Variants in SUMF1 observed in about 807,000 individuals in gnomAD.
SUMF1 encodes formylglycine-generating enzyme.
In SUMF1, 48 loss-of-function variants were observed where a neutral mutation model predicts 47.6. The observed-to-expected ratio is 1.01, with a 90% CI of 0.80 to 1.28. The LOEUF (loss-of-function observed/expected upper bound fraction) is 1.28. Among genes scored for constraint, SUMF1 ranks in the 50% most tolerant of loss-of-function variants. The probability of loss-of-function intolerance (pLI) is 0.00; values close to 1 mark genes in which losing one functional copy is unlikely to be tolerated. For missense variants in SUMF1, 571 were observed against 485.4 expected, an observed-to-expected ratio of 1.18 and a Z score of -1.66; for synonymous variants, 230 against 192.1, an observed-to-expected ratio of 1.20 and a Z score of -1.63.
intron 8 of SUMF1, among the ~76,000 whole-genome samples, chr3:4,211,181 TAC>T (rs1216492718): frequency 2.1e-5 from 2 of 94,682 alleles, no homozygotes; most frequent in African/African-American, 4.3e-5. Flanking sequence ...CACATATATA[TAC>T]ATATACATAT....
intron 8 of SUMF1, among the ~76,000 whole-genome samples, chr3:4,308,586 T>C (rs546226049): frequency 9.2e-5 from 14 of 152,228 alleles, no homozygotes; most frequent in Non-Finnish European, 1.9e-4. Context: ...CCTTGTCTTA[T>C]AGCTACTAAT....
At chr3:4,202,455 A>G (rs1695562003) in intron 8 of SUMF1, among the ~76,000 whole-genome samples, 1 of 151,876 alleles carries the variant, frequency 6.6e-6, no homozygotes, top group Non-Finnish European at 1.5e-5. Context: ...ACCCTGTTCC[A>G]TTGGTCTATG....
In SUMF1 at chr3:4,417,150, T is replaced by A. The variant is rs772711848; in HGVS notation, c.818A>T (p.Asp273Val). ...GEFPVTNTGE[D>V]GFQGTAPVDA... Reference sequence around the variant, plus strand: ...CACAGGCGCAGTTCCTTGGAAGCCATCCTCACCAGTGTTGGTCACCGGAAA... The same window carrying A: ...CACAGGCGCAGTTCCTTGGAAGCCAACCTCACCAGTGTTGGTCACCGGAAA... The change falls in exon 6 of 9, where the codon GAT (aspartate) becomes GTT (valine). Residue 273 changes from aspartate to valine, a missense_variant. By Grantham distance (152) the Asp-to-Val change is radical (BLOSUM62 -3). Coordinates refer to ENST00000272902, the MANE Select transcript of SUMF1 (RefSeq NM_182760.4). 1 of 1,613,912 alleles carries A rather than the reference T, an allele frequency of 6.2e-7. No homozygotes were observed. Among genetic ancestry groups the A allele is most frequent in the East Asian group, 2.2e-5 (1 of 44,874 alleles).
At chr3:4,046,716 C>T (rs1328550368) in intron 9 of SUMF1, among the ~76,000 whole-genome samples, 1 of 152,124 alleles carries the variant, frequency 6.6e-6, no homozygotes, top group Non-Finnish European at 1.5e-5. Context: ...TACTCCATCA[C>T]TATCTCTCAA....
At chr3:4,110,887 A>G (rs1693285783) in intron 8 of SUMF1, among the ~76,000 whole-genome samples, 1 of 150,690 alleles carries the variant, frequency 6.6e-6, no homozygotes, top group African/African-American at 2.4e-5. Context: ...AGATATACCT[A>G]ATGTTAAATG....
At chr3:4,221,974 A>C (rs962155888) in intron 8 of SUMF1, among the ~76,000 whole-genome samples, 3 of 151,948 alleles carry the variant, frequency 2.0e-5, no homozygotes, top group Middle Eastern at 6.8e-3. Flanking sequence ...ACACTTTTAT[A>C]ATGAGAAAAA....
chr3:4,328,963 T>C (rs945424373), intron 8 of SUMF1, among the ~76,000 whole-genome samples: 37 of 152,184 alleles, frequency 2.4e-4, no homozygotes, highest in African/African-American at 8.9e-4. Flanking sequence ...ACAGGCTCCA[T>C]GCAAGTCTGA....
At chr3:4,452,341 TG>T in intron 2 of SUMF1, among the ~76,000 whole-genome samples, 1 of 152,326 alleles carries the variant, frequency 6.6e-6, no homozygotes, top group East Asian at 1.9e-4. Context: ...AGATGATGTC[TG>T]GAACTGCTAT....
At chr3:4,044,740 G>A (rs1000437766) in intron 9 of SUMF1, among the ~76,000 whole-genome samples, 1 of 152,172 alleles carries the variant, frequency 6.6e-6, no homozygotes, top group Non-Finnish European at 1.5e-5. Context: ...TATTCATGAT[G>A]AGACTTTTAG....
chr3:4,117,947 T>C (rs1693458530), intron 8 of SUMF1, among the ~76,000 whole-genome samples: 1 of 151,494 alleles, frequency 6.6e-6, no homozygotes, highest in South Asian at 2.1e-4. Context: ...CAAGAGCCTG[T>C]GACTATTCCA....
At chr3:4,125,017 T>A (rs1693625398) in intron 8 of SUMF1, among the ~76,000 whole-genome samples, 1 of 152,138 alleles carries the variant, frequency 6.6e-6, no homozygotes, top group Non-Finnish European at 1.5e-5. Flanking sequence ...AGGCCTAATC[T>A]TTCCCACTGA....
At chr3:4,125,844 T>C (rs1432756345) in intron 8 of SUMF1, among the ~76,000 whole-genome samples, 1 of 151,936 alleles carries the variant, frequency 6.6e-6, no homozygotes, top group Admixed American at 6.6e-5. Flanking sequence ...ATGTGGCTAG[T>C]TTTTGTATTT....
chr3:4,186,141 T>C (rs1338215363), intron 8 of SUMF1, among the ~76,000 whole-genome samples: 2 of 151,822 alleles, frequency 1.3e-5, no homozygotes, highest in East Asian at 3.9e-4. Flanking sequence ...ACATAGAGAG[T>C]TTATATCCTT....
At chr3:4,392,977 C>T (rs898753946) in intron 7 of SUMF1, among the ~76,000 whole-genome samples, 1 of 152,106 alleles carries the variant, frequency 6.6e-6, no homozygotes, top group African/African-American at 2.4e-5. Flanking sequence ...TGAGAAATGG[C>T]ATTCAAAGTG....
At chr3:4,427,087 TG>T (rs1383715140) in intron 3 of SUMF1, among the ~76,000 whole-genome samples, 1 of 152,208 alleles carries the variant, frequency 6.6e-6, no homozygotes, top group Non-Finnish European at 1.5e-5. Flanking sequence ...CCTTTATTCT[TG>T]CCAGAGGTGG....
intron 8 of SUMF1, among the ~76,000 whole-genome samples, chr3:4,353,284 A>G (rs1366436322): frequency 1.3e-5 from 2 of 152,024 alleles, no homozygotes; most frequent in Admixed American, 6.6e-5. Context: ...ACGGAATCTC[A>G]CTCTGTCGCC....
At chr3:4,077,128 A>C (rs144221709) in intron 8 of SUMF1, among the ~76,000 whole-genome samples, 1 of 152,278 alleles carries the variant, frequency 6.6e-6, no homozygotes, top group East Asian at 1.9e-4. Context: ...ACCAGTTAGA[A>C]TGGTGATCGT....
intron 8 of SUMF1, among the ~76,000 whole-genome samples, chr3:4,157,209 T>C (rs1694472397): frequency 6.6e-6 from 1 of 151,604 alleles, no homozygotes; most frequent in Non-Finnish European, 1.5e-5. Context: ...CATCTCCAAT[T>C]CAGAATTCTT....
At chr3:4,130,768 T>C (rs1693770028) in intron 8 of SUMF1, among the ~76,000 whole-genome samples, 1 of 152,192 alleles carries the variant, frequency 6.6e-6, no homozygotes, top group East Asian at 1.9e-4. Context: ...AGGCAACACA[T>C]TCCTCAATTA....
Sources: gnomAD v4.1 joint callset for allele counts (sites outside exome capture counted in the v4.1 genomes callset) on GRCh38, gnomAD v4.1.1 for gene constraint, MANE v1.5 for transcripts, NCBI Gene and HGNC (gene_info 2026-07-23, HGNC 2026-07-21) for gene names.